SVIL: variants seen among roughly 807,000 people sequenced by gnomAD.
The protein encoded by SVIL is supervillin, also known as archvillin.
Under a neutral mutation model 240.4 loss-of-function variants are expected in SVIL, and 101 were observed. The ratio of observed to expected loss-of-function variants is 0.42; its 90% confidence interval spans 0.36 to 0.50. The LOEUF (loss-of-function observed/expected upper bound fraction) is 0.50, where lower values mean the gene tolerates loss of function less well. SVIL is among the 20% of genes least tolerant of loss of function. The probability of loss-of-function intolerance (pLI) is 0.01; values close to 1 mark genes in which losing one functional copy is unlikely to be tolerated. For missense variants in SVIL, 2,512 were observed against 2,818.7 expected, an observed-to-expected ratio of 0.89 and a Z score of 2.46; for synonymous variants, 999 against 1,100.0, an observed-to-expected ratio of 0.91 and a Z score of 1.82.
At chr10:29,734,641 G>A (rs373857035) in intron 1 of SVIL, among the ~76,000 whole-genome samples, 50 of 152,242 alleles carry the variant, frequency 3.3e-4, no homozygotes, top group African/African-American at 1.0e-3. Context: ...AGAAGAAGGG[G>A]GTGGAGGCAG....
At chr10:29,693,584 G>A (rs1227802107) in intron 1 of SVIL, among the ~76,000 whole-genome samples, 1 of 152,182 alleles carries the variant, frequency 6.6e-6, no homozygotes, top group East Asian at 1.9e-4. Flanking sequence ...TGCCCCTGGA[G>A]AGCCAGGTGG....
intron 17 of SVIL, among the ~76,000 whole-genome samples, chr10:29,503,121 C>T (rs1002141971): frequency 2.0e-5 from 3 of 152,116 alleles, no homozygotes; most frequent in African/African-American, 7.2e-5. Context: ...GTGAAAGGAA[C>T]AAAGTTGTAC....
chr10:29,562,769 GAAAAAAA>G (rs34507610), intron 3 of SVIL, among the ~76,000 whole-genome samples: 30 of 115,752 alleles, frequency 2.6e-4, no homozygotes, highest in African/African-American at 6.9e-4. Flanking sequence ...TCAAAAAAAA[GAAAAAAA>G]AAAAAAAAAA....
chr10:29,706,425 A>G (rs543683029), intron 1 of SVIL, among the ~76,000 whole-genome samples: 11 of 151,984 alleles, frequency 7.2e-5, no homozygotes, highest in Non-Finnish European at 1.5e-4. Context: ...GCTTTTTTTC[A>G]TATGTTTGTT....
intron 16 of SVIL, among the ~76,000 whole-genome samples, chr10:29,518,674 G>T (rs1223667563): frequency 1.3e-5 from 2 of 152,114 alleles, no homozygotes; most frequent in Non-Finnish European, 2.9e-5. Context: ...TAGCCAACAT[G>T]GTGAAGCCCC....
chr10:29,685,545 A>C (rs117157710), intron 2 of SVIL, among the ~76,000 whole-genome samples: 5 of 152,194 alleles, frequency 3.3e-5, no homozygotes, highest in African/African-American at 1.2e-4. Flanking sequence ...AACAATGTAT[A>C]AGCATTTCCT....
At chr10:29,602,219 T>A in intron 1 of SVIL, 3 of 527,704 alleles carry the variant, frequency 5.7e-6, no homozygotes, top group Non-Finnish European at 1.2e-5. Context: ...TAGGAGAAAC[T>A]TAATGATGTT....
At chr10:29,584,954 T>G (rs763876541) in intron 1 of SVIL, among the ~76,000 whole-genome samples, 81 of 152,124 alleles carry the variant, frequency 5.3e-4, no homozygotes, top group South Asian at 1.2e-3. Flanking sequence ...GGCTAGAGAG[T>G]GCAGTGCTGC....
In SVIL at chr10:29,484,798, C is replaced by T. The variant is rs377161548; in HGVS notation, c.4813G>A (p.Val1605Ile). 3.2e-5 allele frequency: 51 copies of T among 1,612,316 alleles called. No individual in the cohort carries two copies. The African/African-American group carries it at 4.4e-4, about 14-fold the overall frequency. Residue 1605 changes from valine to isoleucine, a missense_variant, in exon 27 of 38, where the codon GTA becomes ATA. By Grantham distance (29) the Val-to-Ile change is conservative (BLOSUM62 3). This residue lies in a region of SVIL where 797 missense variants were observed against 925.3 expected (regional missense o/e 0.86). Transcript: ENST00000355867. The surrounding 1 kb of genome is among the most constrained non-coding windows in gnomAD (Gnocchi z 4.7). ...LVFDFGSEVY[V>I]WHGKEVTLAQ... ...AATGTGACTTCTTTCCCATGCCATA[C>T]GTAAACTTCACTACCAAAATCAAAC...
intron 1 of SVIL, among the ~76,000 whole-genome samples, chr10:29,587,577 G>A (rs1055956290): frequency 6.6e-5 from 10 of 152,276 alleles, no homozygotes; most frequent in African/African-American, 2.4e-4. Context: ...CCAGCCACAG[G>A]GTCCAGCTTA....
At chr10:29,626,568 C>A (rs908299358) in intron 1 of SVIL, among the ~76,000 whole-genome samples, 1 of 152,104 alleles carries the variant, frequency 6.6e-6, no homozygotes, top group African/African-American at 2.4e-5. Context: ...CATCCCTGAG[C>A]GAGTCTGCTG....
At chr10:29,496,564 C>T (rs1215180272) in intron 18 of SVIL, 3 of 354,060 alleles carry the variant, frequency 8.5e-6, no homozygotes, top group African/African-American at 6.4e-5. Context: ...CATGGCTCCC[C>T]CTGCTGGCGG....
In SVIL at chr10:29,481,734, G is replaced by GGGT; in HGVS notation, c.4956-9_4956-7dup. 1 of 1,612,452 alleles carries GGGT rather than the reference G, an allele frequency of 6.2e-7. No individual in the cohort carries two copies. The highest frequency in any genetic ancestry group is 8.5e-7 in the Non-Finnish European group (1 of 1,179,482). ...CGGGCCGCCCCTGTCCTTTTCTGTAGGGTGGGAGGGGGGTTGGGAGAACAG... is the reference window on the plus strand; with the variant it reads ...CGGGCCGCCCCTGTCCTTTTCTGTAGGGTGGTGGGAGGGGGGTTGGGAGAACAG... On this transcript the variant is annotated splice_region_variant and splice_polypyrimidine_tract_variant and intron_variant, in intron 27 of 37. Transcript: ENST00000355867.
intron 1 of SVIL, among the ~76,000 whole-genome samples, chr10:29,620,967 A>AATT (rs1564709143): frequency 6.7e-6 from 1 of 149,880 alleles, no homozygotes; most frequent in Non-Finnish European, 1.5e-5. Flanking sequence ...TTATTCTTAA[A>AATT]ATTTTTTTTT....
At chr10:29,612,931 G>T (rs1260552776) in intron 1 of SVIL, among the ~76,000 whole-genome samples, 2 of 151,966 alleles carry the variant, frequency 1.3e-5, no homozygotes, top group Non-Finnish European at 2.9e-5. Context: ...TAATCCCAGC[G>T]CTTTGGGAGG....
intron 2 of SVIL, among the ~76,000 whole-genome samples, chr10:29,664,025 A>G (rs147071698): frequency 1.6e-3 from 238 of 152,316 alleles, no homozygotes; most frequent in Admixed American, 6.7e-3. Context: ...CACGTTCCCC[A>G]TTTGATGGTC....
At chr10:29,593,247 C>A (rs1956457497) in intron 1 of SVIL, among the ~76,000 whole-genome samples, 1 of 152,194 alleles carries the variant, frequency 6.6e-6, no homozygotes, top group Non-Finnish European at 1.5e-5. Flanking sequence ...AAAGTACACA[C>A]AAGACACAGC....
intron 3 of SVIL, among the ~76,000 whole-genome samples, chr10:29,562,537 G>A (rs1954582799): frequency 6.6e-6 from 1 of 152,180 alleles, no homozygotes; most frequent in African/African-American, 2.4e-5. Flanking sequence ...GAGGCGGGCG[G>A]ATCACCTAAG....
At chr10:29,618,843 C>A (rs142792262) in intron 1 of SVIL, among the ~76,000 whole-genome samples, 381 of 152,240 alleles carry the variant, frequency 2.5e-3, no homozygotes, top group African/African-American at 8.7e-3. Context: ...CCCTCAGCCT[C>A]CTGAGTAGCT....
Sources: allele counts gnomAD v4.1 joint callset (sites outside exome capture counted in the v4.1 genomes callset), GRCh38; gene constraint gnomAD v4.1.1; regional missense constraint gnomAD v4.1.1; non-coding constraint Gnocchi (gnomAD v3.1); transcripts MANE v1.5; gene names NCBI Gene and HGNC (gene_info 2026-07-23, HGNC 2026-07-21).